The following TSPAN9 variants were observed in gnomAD, a reference collection of about 807,000 sequenced individuals.
TSPAN9 encodes the protein tetraspanin 9.
In TSPAN9, 16 loss-of-function variants were observed where a neutral mutation model predicts 31.0. The observed-to-expected ratio is 0.52, with a 90% confidence interval of 0.35 to 0.78. TSPAN9 has a LOEUF of 0.78. TSPAN9 is among the 30% of genes least tolerant of loss of function. The pLI is 0.01. For synonymous variants in TSPAN9, 145 were observed against 121.6 expected (o/e 1.19, Z -1.27); for missense variants, 272 against 312.5 (o/e 0.87, Z 0.98).
At chr12:3,126,047 A>G (rs1019912722) in intron 2 of TSPAN9, among the ~76,000 whole-genome samples, 2 of 152,142 alleles carry the variant, frequency 1.3e-5, no homozygotes, top group African/African-American at 2.4e-5. Context: ...AGTGGTTGAG[A>G]AAGTAAGTTT....
Position 3,168,079 on chromosome 12 carries a change from C to CT in TSPAN9, c.-17-33098_-17-33097insT, listed in dbSNP as rs533843700. Among the ~76,000 whole-genome samples, 149 of 152,274 alleles carry CT rather than the reference C, an allele frequency of 9.8e-4. No individual in the cohort carries two copies. The highest frequency in any genetic ancestry group is 3.4e-3 in the African/African-American group (143 of 41,538). On this transcript the variant is annotated intron_variant, in intron 2 of 8. Transcript: ENST00000011898. This position sits in a 1 kb window ranked among gnomAD's most constrained non-coding sequence, Gnocchi z 4.0. ...GACAAGCAGCAGCAGGAGATACCCTCCCATGTCACTCATTCTGTGCCACAG... is the reference window on the plus strand; with the variant it reads ...GACAAGCAGCAGCAGGAGATACCCTCTCCATGTCACTCATTCTGTGCCACAG...
At chr12:3,144,561 C>T (rs2098336282) in intron 2 of TSPAN9, among the ~76,000 whole-genome samples, 1 of 152,232 alleles carries the variant, frequency 6.6e-6, no homozygotes. Flanking sequence ...GAGGGAGCCT[C>T]TGCCAATGCC....
Position 3,266,391 on chromosome 12 carries a change from G to A in TSPAN9, c.64-12030G>A, listed in dbSNP as rs550762735. ...CTATAGAGGCAAAGCACTCAGACTA[G>A]CACTGGTGCACGATCGGCACTCGTC... On this transcript the variant is annotated intron_variant, in intron 3 of 8. Transcript: ENST00000011898. Among the ~76,000 whole-genome samples, 6 of 152,330 alleles carry A rather than the reference G, an allele frequency of 3.9e-5. No individual in the cohort carries two copies. In the South Asian group the frequency reaches 1.2e-3, roughly 32 times the overall value.
chr12:3,120,266 G>A (rs1450137697), intron 2 of TSPAN9, among the ~76,000 whole-genome samples: 1 of 152,160 alleles, frequency 6.6e-6, no homozygotes, highest in Non-Finnish European at 1.5e-5. Flanking sequence ...GATCTTGGGG[G>A]CCTGGGGACA....
At chr12:3,240,020 C>G (rs1359828022) in intron 3 of TSPAN9, among the ~76,000 whole-genome samples, 1 of 28,686 alleles carries the variant, frequency 3.5e-5, no homozygotes, top group African/African-American at 7.0e-5. Context: ...GTCCCTATTA[C>G]TCCCTTTTTT....
intron 3 of TSPAN9, among the ~76,000 whole-genome samples, chr12:3,247,561 A>T (rs1212789184): frequency 6.6e-6 from 1 of 152,186 alleles, no homozygotes; most frequent in East Asian, 1.9e-4. Flanking sequence ...GGAGTTTTCC[A>T]GTCTACAGAG....
intron 3 of TSPAN9, among the ~76,000 whole-genome samples, chr12:3,240,646 G>A (rs537304752): frequency 6.6e-6 from 1 of 152,268 alleles, no homozygotes; most frequent in African/African-American, 2.4e-5. Flanking sequence ...ACTTGAGGGA[G>A]TAGGTGTTTA....
At chr12:3,201,055 C>T in intron 2 of TSPAN9, 122 bp from the exon 3 acceptor site, 2 of 894,206 alleles carry the variant, frequency 2.2e-6, no homozygotes, top group Non-Finnish European at 3.5e-6. Context: ...CCTTCTACGG[C>T]ACCGCGGGCT....
intron 2 of TSPAN9, among the ~76,000 whole-genome samples, chr12:3,163,533 GTC>G (rs1565598567): frequency 1.3e-5 from 2 of 152,174 alleles, no homozygotes; most frequent in Non-Finnish European, 2.9e-5. Flanking sequence ...ACTCAACAAA[GTC>G]TGCTTAACTA....
In TSPAN9 at chr12:3,183,148, G is replaced by C. The variant is rs376945198; in HGVS notation, c.-17-18029G>C. On this transcript the variant is annotated intron_variant, in intron 2 of 8. Transcript: ENST00000011898. ...CAGAGAAGGCTTCTGGAGGGGTGGG[G>C]GCCCCAGGGTGCCATAAAGAAAGGC... is the stretch of plus-strand genomic sequence containing the variant. 3.2e-4 allele frequency among the ~76,000 whole-genome samples: 48 copies of C among 152,302 alleles called. 1 individual carries two copies. In the East Asian group the frequency reaches 9.1e-3, roughly 29 times the overall value.
At chr12:3,232,861 A>G (rs147931333) in intron 3 of TSPAN9, among the ~76,000 whole-genome samples, 1 of 152,186 alleles carries the variant, frequency 6.6e-6, no homozygotes, top group Non-Finnish European at 1.5e-5. Flanking sequence ...CATTTGGGGA[A>G]GTTTTAGCCA....
At chr12:3,086,785 C>T (rs1391283909) in intron 2 of TSPAN9, among the ~76,000 whole-genome samples, 1 of 152,226 alleles carries the variant, frequency 6.6e-6, no homozygotes, top group Admixed American at 6.5e-5. Context: ...CTTCAGGTTA[C>T]AAGCAAAAAT....
At chr12:3,267,613 A>G (rs1862560757) in intron 3 of TSPAN9, among the ~76,000 whole-genome samples, 1 of 152,244 alleles carries the variant, frequency 6.6e-6, no homozygotes, top group African/African-American at 2.4e-5. Flanking sequence ...TGATGCTGTC[A>G]GAAATGCCTT....
At chr12:3,189,968 C>CT (rs2098363458) in intron 2 of TSPAN9, among the ~76,000 whole-genome samples, 1 of 152,220 alleles carries the variant, frequency 6.6e-6, no homozygotes, top group African/African-American at 2.4e-5. Context: ...ACCTCTCACT[C>CT]TATCAGCGAG....
intron 2 of TSPAN9, among the ~76,000 whole-genome samples, chr12:3,118,233 T>TC (rs143642253): frequency 7.2e-6 from 1 of 138,182 alleles, no homozygotes; most frequent in Non-Finnish European, 1.5e-5. Flanking sequence ...TTTACCTGAT[T>TC]CCGCACCGCC....
intron 3 of TSPAN9, among the ~76,000 whole-genome samples, chr12:3,210,258 C>A (rs772582939): frequency 1.3e-3 from 195 of 152,310 alleles, no homozygotes; most frequent in Non-Finnish European, 2.0e-3. Flanking sequence ...TATGTACCTG[C>A]CACCTTTCCT....
At chr12:3,191,071 A>C (rs2098364120) in intron 2 of TSPAN9, among the ~76,000 whole-genome samples, 1 of 151,794 alleles carries the variant, frequency 6.6e-6, no homozygotes, top group Non-Finnish European at 1.5e-5. Context: ...TGTGGATGTT[A>C]GCCATTCGGG....
intron 8 of TSPAN9, among the ~76,000 whole-genome samples, chr12:3,282,607 C>T (rs749408298): frequency 2.3e-4 from 35 of 152,288 alleles, no homozygotes; most frequent in Non-Finnish European, 4.6e-4. Flanking sequence ...CCTCTATTGC[C>T]CAGGCCGATC....
intron 2 of TSPAN9, among the ~76,000 whole-genome samples, chr12:3,129,497 G>A (rs1330857281): frequency 2.0e-5 from 3 of 152,172 alleles, no homozygotes; most frequent in Admixed American, 6.5e-5. Context: ...TTAGGAGTGT[G>A]GGTTGTGAGG....
Sources: allele counts gnomAD v4.1 joint callset (sites outside exome capture counted in the v4.1 genomes callset), GRCh38; gene constraint gnomAD v4.1.1; non-coding constraint Gnocchi (gnomAD v3.1); transcripts MANE v1.5; gene names NCBI Gene and HGNC (gene_info 2026-07-23, HGNC 2026-07-21).